DNM1: variants seen among roughly 807,000 people sequenced by gnomAD.
The protein encoded by DNM1 is dynamin-1.
Under a neutral mutation model 104.6 loss-of-function variants are expected in DNM1, and 29 were observed. The observed-to-expected ratio is 0.28, with a 90% CI of 0.21 to 0.38. The LOEUF (loss-of-function observed/expected upper bound fraction) is 0.38, where lower values mean the gene tolerates loss of function less well. DNM1 is among the 10% of genes least tolerant of loss of function. DNM1 has a pLI of 1.00. For synonymous variants in DNM1, 445 were observed against 475.8 expected (o/e 0.94, Z 0.84); for missense variants, 640 against 1,189.4 (o/e 0.54, Z 6.79).
In DNM1 at chr9:128,238,877, G is replaced by A. The variant is rs111522802; in HGVS notation, c.1423-568G>A. ...TCACCGTGTTAGGCAGGATGGTCTC[G>A]ATCTCCTGACCTTGTGATCCACCCA... On this transcript the variant is annotated intron_variant, in intron 11 of 21. Coordinates refer to ENST00000372923, the MANE Select transcript of DNM1 (RefSeq NM_004408.4). 2.7e-3 allele frequency among the ~76,000 whole-genome samples: 401 copies of A among 151,304 alleles called. 1 individual carries two copies. Among genetic ancestry groups the A allele is most frequent in the Middle Eastern group, 3.4e-3 (1 of 290 alleles).
intron 13 of DNM1, 87 bp downstream of exon 13, chr9:128,239,866 G>T: frequency 6.4e-7 from 1 of 1,563,030 alleles, no homozygotes; most frequent in Non-Finnish European, 8.8e-7. Flanking sequence ...TGAGGGGAAG[G>T]GTCCCACGGG....
chr9:128,205,317 G>A (rs1429951539), intron 1 of DNM1, among the ~76,000 whole-genome samples: 1 of 152,180 alleles, frequency 6.6e-6, no homozygotes, highest in Non-Finnish European at 1.5e-5. Context: ...CTTGGGGTAG[G>A]GAGGGGACCA....
chr9:128,215,110 C>A (rs59771818), intron 1 of DNM1, among the ~76,000 whole-genome samples: 1 of 152,220 alleles, frequency 6.6e-6, no homozygotes, highest in African/African-American at 2.4e-5. Context: ...TTGTCCGGAC[C>A]TGGGGACCTG....
chr9:128,220,742 C>CGTGTGT lies in DNM1; in HGVS notation c.849+422_849+427dup, dbSNP rs140950284. On this transcript the variant is annotated intron_variant, in intron 6 of 21. Transcript: ENST00000372923. The surrounding 1 kb of genome is among the most constrained non-coding windows in gnomAD (Gnocchi z 5.2). ...CAGAACTGAAGTGCGCGCGCGCGCG[C>CGTGTGT]GTGTGTGTGTGTGTGTGTGTGTGTG... Among the ~76,000 whole-genome samples, 109 of 136,362 alleles carry CGTGTGT rather than the reference C, an allele frequency of 8.0e-4. No homozygotes were observed. Among genetic ancestry groups the CGTGTGT allele is most frequent in the East Asian group, 2.9e-3 (11 of 3,826 alleles). 89.5% of individuals were successfully genotyped at this position (136,362 alleles called of 152,430 possible). A position where few individuals can be genotyped will look rare whatever the true frequency, so the allele number is the denominator to read the frequency against.
intron 6 of DNM1, among the ~76,000 whole-genome samples, chr9:128,221,592 G>A (rs559004038): frequency 4.6e-5 from 7 of 152,084 alleles, no homozygotes; most frequent in Non-Finnish European, 8.8e-5. Flanking sequence ...TGCCTCAGAC[G>A]CACGTCTAAA....
chr9:128,233,358 G>A (rs541251641), intron 10 of DNM1, among the ~76,000 whole-genome samples: 2 of 152,250 alleles, frequency 1.3e-5, no homozygotes, highest in African/African-American at 4.8e-5. Context: ...GCCCCGCGGG[G>A]TACTGCTCAT....
At chr9:128,219,849 G>T in intron 4 of DNM1, 139 bp from the exon 5 acceptor site, 1 of 606,706 alleles carries the variant, frequency 1.6e-6, no homozygotes, top group Non-Finnish European at 2.9e-6. Context: ...CTACTCTGTG[G>T]AAAATGAATA....
chr9:128,247,898 G>T lies in DNM1; in HGVS notation c.1894-26G>T, dbSNP rs1836925769. 3.7e-6 allele frequency: 6 copies of T among 1,612,002 alleles called. No individual in the cohort carries two copies. In the East Asian group the frequency reaches 1.3e-4, roughly 36 times the overall value. On this transcript the variant is annotated intron_variant, in intron 17 of 21. Coordinates refer to ENST00000372923, the MANE Select transcript of DNM1 (RefSeq NM_004408.4). The surrounding 1 kb of genome is among the most constrained non-coding windows in gnomAD (Gnocchi z 5.1). ...GTGCTCCCTGGTGGTGGCGGCGGTGGCAATGTTGGTGTGTGGGCCTCCCAG... is the reference window on the plus strand; with the variant it reads ...GTGCTCCCTGGTGGTGGCGGCGGTGTCAATGTTGGTGTGTGGGCCTCCCAG...
intron 1 of DNM1, among the ~76,000 whole-genome samples, chr9:128,209,013 C>G (rs1834134313): frequency 6.6e-6 from 1 of 152,142 alleles, no homozygotes; most frequent in Admixed American, 6.5e-5. Flanking sequence ...GGAGCAGAGG[C>G]CAGAGGTGAG....
intron 21 of DNM1, chr9:128,252,685 A>C: frequency 2.1e-6 from 1 of 465,226 alleles, no homozygotes; most frequent in Non-Finnish European, 4.2e-6. Flanking sequence ...TCTTAGGTGG[A>C]GAAATGACAG....
At chr9:128,204,704 A>G (rs1479417367) in intron 1 of DNM1, 1 of 152,226 alleles carries the variant, frequency 6.6e-6, no homozygotes, top group African/African-American at 2.4e-5. Context: ...ATGAAGTGAG[A>G]GAGTTTACAC....
rs981395824 is a variant in DNM1, at chr9:128,254,935, C to CAT, written c.*229_*230dup. ...TGTTCTATAAATATCTATAAATACT[C>CAT]ATATATATACACACCTACACATGGC... On this transcript the variant is annotated 3_prime_UTR_variant, in exon 22 of 22. Transcript: ENST00000372923. The surrounding 1 kb of genome is among the most constrained non-coding windows in gnomAD (Gnocchi z 6.1). 5 of 514,310 alleles carry CAT rather than the reference C, an allele frequency of 9.7e-6. No individual in the cohort carries two copies. Among genetic ancestry groups the CAT allele is most frequent in the African/African-American group, 2.0e-5 (1 of 50,398 alleles). The allele number at this position is 514,310 out of a possible 1,614,324, so 31.9% of individuals were successfully genotyped here. A position where few individuals can be genotyped will look rare whatever the true frequency, so the allele number is the denominator to read the frequency against.
At chr9:128,250,387 C>A (rs1041419154) in intron 20 of DNM1, 31 bp downstream of exon 20, 40 of 1,536,300 alleles carry the variant, frequency 2.6e-5, no homozygotes, top group Non-Finnish European at 3.3e-5. Context: ...GGCCCCAAAG[C>A]CCCCCAGCCC....
intron 1 of DNM1, among the ~76,000 whole-genome samples, chr9:128,206,336 G>A (rs1833972172): frequency 6.6e-6 from 1 of 152,084 alleles, no homozygotes; most frequent in African/African-American, 2.4e-5. Context: ...AACTTGTCTG[G>A]GTCTATACTA....
chr9:128,223,197 A>G, intron 9 of DNM1: 1 of 326,988 alleles, frequency 3.1e-6, no homozygotes, highest in Admixed American at 4.5e-5. Flanking sequence ...AACCACTACG[A>G]GGGCCTGGGG....
At chr9:128,230,699 G>A (rs562347615) in intron 10 of DNM1, among the ~76,000 whole-genome samples, 1 of 152,070 alleles carries the variant, frequency 6.6e-6, no homozygotes, top group East Asian at 1.9e-4. Flanking sequence ...TGATCCACCC[G>A]CCTTGGCCTC....
intron 11 of DNM1, chr9:128,234,834 C>T (rs748039945): frequency 6.6e-6 from 1 of 152,096 alleles, no homozygotes; most frequent in African/African-American, 2.4e-5. Flanking sequence ...TCACTGTTGC[C>T]CAGGCTGGAG....
Position 128,253,947 on chromosome 9 carries a change from C to A in DNM1, c.2535-707C>A, listed in dbSNP as rs1829689973. 7.3e-6 allele frequency: 9 copies of A among 1,233,256 alleles called. No homozygotes were observed. Among genetic ancestry groups the A allele is most frequent in the Non-Finnish European group, 9.1e-6 (9 of 988,942 alleles). 76.4% of individuals were successfully genotyped at this position (1,233,256 alleles called of 1,614,324 possible). A position where few individuals can be genotyped will look rare whatever the true frequency, so the allele number is the denominator to read the frequency against. Reference sequence around the variant, plus strand: ...TGCCTGCTGGCCCAGCTGAGCTCCGCCCAGTGAGCCCACCCCCCATTCTCC... The same window carrying A: ...TGCCTGCTGGCCCAGCTGAGCTCCGACCAGTGAGCCCACCCCCCATTCTCC... On this transcript the variant is annotated intron_variant, in intron 21 of 21. Transcript: ENST00000372923. The surrounding 1 kb of genome is among the most constrained non-coding windows in gnomAD (Gnocchi z 5.9).
Position 128,219,098 on chromosome 9 carries a change from G to T in DNM1, c.435G>T (p.Val145=). 3.1e-6 allele frequency: 5 copies of T among 1,614,136 alleles called. No homozygotes were observed. The highest frequency in any genetic ancestry group is 4.2e-6 in the Non-Finnish European group (5 of 1,180,040). Residue 145 remains valine (V), a synonymous_variant, in exon 4 of 22, where the codon GTG becomes GTT. Coordinates refer to ENST00000372923, the MANE Select transcript of DNM1 (RefSeq NM_004408.4). ...VDLPGMTKVP[V]GDQPPDIEFQ... ...TGCCCGGAATGACCAAGGTCCCGGT[G>T]GGGGACCAACCTCCCGACATCGAGT...
Sources: gnomAD v4.1 joint callset for allele counts (sites outside exome capture counted in the v4.1 genomes callset) on GRCh38, gnomAD v4.1.1 for gene constraint, Gnocchi (gnomAD v3.1) non-coding constraint, MANE v1.5 for transcripts, NCBI Gene and HGNC (gene_info 2026-07-23, HGNC 2026-07-21) for gene names.